TWIST2: variants seen among roughly 807,000 people sequenced by gnomAD.
The protein encoded by TWIST2 is twist family bHLH transcription factor 2.
A neutral mutation model predicts 11.6 loss-of-function variants in TWIST2; 1 was observed. The observed-to-expected ratio is 0.09, with a 90% CI of 0.03 to 0.41. TWIST2 has a LOEUF of 0.41. Ranked by LOEUF, TWIST2 falls within the 10% of genes least tolerant of loss-of-function variation. TWIST2 has a pLI of 0.98. For synonymous variants in TWIST2, 87 were observed against 96.6 expected (o/e 0.90, Z 0.58); for missense variants, 168 against 226.4 (o/e 0.74, Z 1.66).
At chr2:238,859,985 A>C (rs920202206) in intron 1 of TWIST2, among the ~76,000 whole-genome samples, 3 of 152,104 alleles carry the variant, frequency 2.0e-5, no homozygotes, top group African/African-American at 7.2e-5. Flanking sequence ...CAGCCTCTAG[A>C]TGAGAGCCAG....
chr2:238,880,080 A>G (rs563642149), intron 1 of TWIST2, among the ~76,000 whole-genome samples: 61 of 152,112 alleles, frequency 4.0e-4, no homozygotes, highest in Non-Finnish European at 7.5e-4. Context: ...TGTTGGTGTT[A>G]GTTTTGATAT....
chr2:238,904,258 C>G (rs1177250130), intron 1 of TWIST2, among the ~76,000 whole-genome samples: 1 of 84,206 alleles, frequency 1.2e-5, no homozygotes, highest in Non-Finnish European at 2.3e-5. Flanking sequence ...TGGGTATGTG[C>G]ATAATGTGAG....
intron 1 of TWIST2, among the ~76,000 whole-genome samples, chr2:238,880,306 T>C (rs1334196512): frequency 6.7e-6 from 1 of 148,404 alleles, no homozygotes; most frequent in East Asian, 2.0e-4. Context: ...TTATTGTTAG[T>C]GTTAGTGTTG....
At chr2:238,889,258 T>C (rs1693090272) in intron 1 of TWIST2, among the ~76,000 whole-genome samples, 1 of 152,174 alleles carries the variant, frequency 6.6e-6, no homozygotes, top group African/African-American at 2.4e-5. Context: ...CCTCAAACCA[T>C]GAATTCAGTA....
intron 1 of TWIST2, among the ~76,000 whole-genome samples, chr2:238,861,398 T>G (rs185557904): frequency 1.2e-3 from 181 of 152,270 alleles, no homozygotes; most frequent in African/African-American, 4.2e-3. Flanking sequence ...CTGTGCTCTG[T>G]ATGCCTGGGG....
chr2:238,864,529 G>A lies in TWIST2; in HGVS notation c.*35+15796G>A, dbSNP rs1049343738. 6.6e-6 allele frequency among the ~76,000 whole-genome samples: 1 copy of A among 152,002 alleles called. No homozygotes were observed. The highest frequency in any genetic ancestry group is 2.0e-4 in the East Asian group (1 of 5,104). On this transcript the variant is annotated intron_variant, in intron 1 of 1. Coordinates refer to ENST00000612363, the MANE Select transcript of TWIST2 (RefSeq NM_001271893.4). The surrounding 1 kb of genome is among the most constrained non-coding windows in gnomAD (Gnocchi z 4.7). Reference sequence around the variant, plus strand: ...TGGAGGCGGCTCCCAGTTCCAAGGCGCGCCCCACCCGGCCCCCAGGCCAGG... The same window carrying A: ...TGGAGGCGGCTCCCAGTTCCAAGGCACGCCCCACCCGGCCCCCAGGCCAGG...
intron 1 of TWIST2, among the ~76,000 whole-genome samples, chr2:238,883,919 C>T (rs562089725): frequency 4.6e-5 from 7 of 152,286 alleles, no homozygotes; most frequent in African/African-American, 1.4e-4. Context: ...TGGGTGAAGC[C>T]GGAGTCGTGA....
intron 1 of TWIST2, among the ~76,000 whole-genome samples, chr2:238,890,752 T>C (rs952474073): frequency 1.4e-4 from 22 of 152,312 alleles, no homozygotes; most frequent in African/African-American, 4.8e-4. Flanking sequence ...TACTTGACCC[T>C]TGAGGCTGCG....
At position 238,864,506 on chromosome 2, in the gene TWIST2, G is replaced by C. The variant is rs1477773330; in HGVS notation, c.*35+15773G>C. The stretch of plus-strand genomic sequence containing the variant: ...AGGCCTGGAGCAGAGTGCAGGGTTG[G>C]AGGCGGCTCCCAGTTCCAAGGCGCG... On this transcript the variant is annotated intron_variant, in intron 1 of 1. Coordinates refer to ENST00000612363, the MANE Select transcript of TWIST2 (RefSeq NM_001271893.4). The surrounding 1 kb of genome is among the most constrained non-coding windows in gnomAD (Gnocchi z 4.7). 6.6e-6 allele frequency among the ~76,000 whole-genome samples: 1 copy of C among 151,816 alleles called. No homozygotes were observed. Among genetic ancestry groups the C allele is most frequent in the Admixed American group, 6.5e-5 (1 of 15,270 alleles).
At chr2:238,907,791 C>T (rs934090321) in intron 1 of TWIST2, among the ~76,000 whole-genome samples, 52 of 151,548 alleles carry the variant, frequency 3.4e-4, no homozygotes, top group Non-Finnish European at 6.9e-4. Flanking sequence ...CCCACTTACA[C>T]ACATAAACAC....
chr2:238,887,380 T>A (rs1693059694), intron 1 of TWIST2: 1 of 152,232 alleles, frequency 6.6e-6, no homozygotes, highest in African/African-American at 2.4e-5. Context: ...AGACTTACAC[T>A]CTTCCGGCCA....
At chr2:238,891,711 C>T (rs1278582243) in intron 1 of TWIST2, among the ~76,000 whole-genome samples, 1 of 152,200 alleles carries the variant, frequency 6.6e-6, no homozygotes, top group African/African-American at 2.4e-5. Context: ...ACAGCACCCT[C>T]ACTCTGGGAG....
intron 1 of TWIST2, among the ~76,000 whole-genome samples, chr2:238,908,381 A>T (rs1377670687): frequency 1.3e-5 from 2 of 150,568 alleles, no homozygotes; most frequent in Non-Finnish European, 3.0e-5. Flanking sequence ...CACAAACCAC[A>T]TGCACCACAC....
chr2:238,868,657 G>A (rs1446006243), intron 1 of TWIST2, among the ~76,000 whole-genome samples: 9 of 152,212 alleles, frequency 5.9e-5, no homozygotes, highest in East Asian at 3.8e-4. Context: ...GGGACAAGCC[G>A]TGTTCCAAGG....
rs950259983 is a variant in TWIST2 at position 238,863,660 on chromosome 2, G to A, written c.*35+14927G>A. On this transcript the variant is annotated intron_variant, in intron 1 of 1. Transcript: ENST00000612363. The surrounding 1 kb of genome is among the most constrained non-coding windows in gnomAD (Gnocchi z 4.7). ...TAACCATAAACCACTTCAGCTTTGG[G>A]GAAGCAAGTGGGAAAAAACCTCAAT... Among the ~76,000 whole-genome samples the A allele has an allele frequency of 5.3e-5, 8 of 152,096 alleles. No individual in the cohort carries two copies. Among genetic ancestry groups the A allele is most frequent in the African/African-American group, 1.9e-4 (8 of 41,406 alleles).
chr2:238,910,413 T>C lies in TWIST2; in HGVS notation c.*607T>C, dbSNP rs1693434130. On this transcript the variant is annotated 3_prime_UTR_variant, in exon 2 of 2. Transcript: ENST00000612363. ...TGGCTAGCCATTTAAAAAAAAATATTCTCTGTTCAGTGTATATGTTGCTTG... is the reference window on the plus strand; with the variant it reads ...TGGCTAGCCATTTAAAAAAAAATATCCTCTGTTCAGTGTATATGTTGCTTG... 6.6e-6 allele frequency: 1 copy of C among 152,162 alleles called. No individual in the cohort carries two copies. The highest frequency in any genetic ancestry group is 2.1e-4 in the South Asian group (1 of 4,830). The allele number at this position is 152,162 out of a possible 1,614,324, so 9.4% of individuals were successfully genotyped here. A position where few individuals can be genotyped will look rare whatever the true frequency, so the allele number is the denominator to read the frequency against.
chr2:238,892,387 C>G (rs545112815), intron 1 of TWIST2, among the ~76,000 whole-genome samples: 9 of 152,264 alleles, frequency 5.9e-5, no homozygotes, highest in Non-Finnish European at 1.2e-4. Context: ...CCAGGACCTT[C>G]CCCAGTCGCC....
At chr2:238,858,635 C>T (rs1001156920) in intron 1 of TWIST2, among the ~76,000 whole-genome samples, 1 of 152,194 alleles carries the variant, frequency 6.6e-6, no homozygotes, top group African/African-American at 2.4e-5. Flanking sequence ...CGAGGCAAGT[C>T]ATGGCCTCTC....
At chr2:238,862,168 C>G (rs968473280) in intron 1 of TWIST2, among the ~76,000 whole-genome samples, 8 of 152,106 alleles carry the variant, frequency 5.3e-5, no homozygotes, top group African/African-American at 1.9e-4. Flanking sequence ...TAATGCAGGC[C>G]TTTCCGACCA....
Sources: allele counts gnomAD v4.1 joint callset (sites outside exome capture counted in the v4.1 genomes callset), GRCh38; gene constraint gnomAD v4.1.1; non-coding constraint Gnocchi (gnomAD v3.1); transcripts MANE v1.5; gene names NCBI Gene and HGNC (gene_info 2026-07-23, HGNC 2026-07-21).